Variants in SOX6 observed in about 807,000 individuals in gnomAD.
SOX6 encodes the protein SRY-box transcription factor 6.
SOX6 carries 11 observed loss-of-function variants against 97.8 expected under a neutral mutation model. That is an observed-to-expected ratio of 0.11 (90% confidence interval 0.07 to 0.19). The LOEUF is 0.19. Ranked by LOEUF, SOX6 falls within the 10% of genes least tolerant of loss-of-function variation. The pLI, the probability that SOX6 is intolerant of heterozygous loss-of-function variation, is 1.00. For synonymous variants in SOX6, 360 were observed against 371.4 expected, an observed-to-expected ratio of 0.97 and a Z score of 0.35; for missense variants, 810 against 1,039.5, an observed-to-expected ratio of 0.78 and a Z score of 3.04.
intron 12 of SOX6, among the ~76,000 whole-genome samples, chr11:16,019,809 G>A (rs1013005174): frequency 3.3e-5 from 5 of 152,094 alleles, no homozygotes; most frequent in Admixed American, 6.6e-5. Context: ...CCCACTAATC[G>A]TGTTTTGTGT....
At chr11:16,484,456 C>A in intron 4 of SOX6, 1 of 803,456 alleles carries the variant, frequency 1.2e-6, no homozygotes. Context: ...CAATGAAGAG[C>A]TCCTCGCACT....
At chr11:15,988,391 G>A (rs749662670) in intron 14 of SOX6, among the ~76,000 whole-genome samples, 36 of 152,158 alleles carry the variant, frequency 2.4e-4, no homozygotes, top group East Asian at 7.7e-4. Context: ...CCTGCAGCTC[G>A]TGTGTTCAGC....
rs1853190225 is a variant in SOX6, at chr11:15,968,012, G to C, written c.*4797C>G. 6.6e-6 allele frequency: 1 copy of C among 151,756 alleles called. No individual in the cohort carries two copies. The highest frequency in any genetic ancestry group is 2.4e-5 in the African/African-American group (1 of 41,304). The allele number at this position is 151,756 out of a possible 1,614,324, so 9.4% of individuals were successfully genotyped here. On this transcript the variant is annotated 3_prime_UTR_variant, in exon 16 of 16. Coordinates refer to ENST00000683767, the MANE Select transcript of SOX6 (RefSeq NM_001367873.1). ...TAGAATGGGGATGAAAAGGAAATGT[G>C]TTTGCATATCAATATTTTCAATGAT...
At chr11:16,316,456 G>A (rs1280330598) in intron 3 of SOX6, 2 of 151,610 alleles carry the variant, frequency 1.3e-5, no homozygotes, top group Non-Finnish European at 2.9e-5. Context: ...AAAAAAATCT[G>A]TAGAGTATGA....
At chr11:16,028,879 C>T (rs1383913257) in intron 12 of SOX6, among the ~76,000 whole-genome samples, 1 of 152,078 alleles carries the variant, frequency 6.6e-6, no homozygotes, top group Non-Finnish European at 1.5e-5. Flanking sequence ...CTGGCACAAA[C>T]TTGAAATATT....
chr11:16,120,117 C>T (rs1284632206), intron 6 of SOX6, among the ~76,000 whole-genome samples: 2 of 142,150 alleles, frequency 1.4e-5, no homozygotes, highest in African/African-American at 5.2e-5. Context: ...TCTCCCCCCA[C>T]CCCTTTCTCT....
intron 4 of SOX6, among the ~76,000 whole-genome samples, chr11:16,530,402 T>C (rs1219301156): frequency 1.3e-5 from 2 of 152,038 alleles, no homozygotes; most frequent in African/African-American, 2.4e-5. Context: ...ACCCTTCTCC[T>C]TTGAAAACAA....
chr11:16,459,212 G>C (rs1015138478), intron 1 of SOX6, among the ~76,000 whole-genome samples: 1 of 151,974 alleles, frequency 6.6e-6, no homozygotes, highest in Non-Finnish European at 1.5e-5. Flanking sequence ...TATTGCATCA[G>C]TAGTGAAGAG....
At chr11:16,513,647 C>A (rs770848079) in intron 4 of SOX6, among the ~76,000 whole-genome samples, 33 of 151,768 alleles carry the variant, frequency 2.2e-4, no homozygotes, top group Non-Finnish European at 4.1e-4. Context: ...AATAAATAAA[C>A]AAACAAACAA....
intron 9 of SOX6, among the ~76,000 whole-genome samples, chr11:16,071,404 A>G (rs56395489): frequency 0.013 from 1,980 of 152,316 alleles, 41 homozygotes; most frequent in African/African-American, 0.045. Context: ...TGTCCTGGGA[A>G]GTGCCCAGAA....
At chr11:16,452,932 C>T (rs1056421083) in intron 1 of SOX6, among the ~76,000 whole-genome samples, 7 of 152,070 alleles carry the variant, frequency 4.6e-5, no homozygotes, top group Non-Finnish European at 5.9e-5. Flanking sequence ...CCATAGATAA[C>T]GAATGAGGGA....
intron 12 of SOX6, among the ~76,000 whole-genome samples, chr11:16,030,606 C>T (rs1431538227): frequency 1.3e-5 from 2 of 152,250 alleles, no homozygotes; most frequent in African/African-American, 4.8e-5. Context: ...TTGTACAAAA[C>T]CATATGAAAT....
At chr11:16,553,709 T>C in intron 4 of SOX6, among the ~76,000 whole-genome samples, 1 of 152,048 alleles carries the variant, frequency 6.6e-6, no homozygotes, top group East Asian at 1.9e-4. Context: ...CTAACATAGA[T>C]TGGTGCTCCT....
At chr11:16,661,892 T>C (rs1847768857) in intron 3 of SOX6, among the ~76,000 whole-genome samples, 1 of 152,184 alleles carries the variant, frequency 6.6e-6, no homozygotes, top group African/African-American at 2.4e-5. Flanking sequence ...TCGTTTTCCA[T>C]GCTGCTTCAA....
intron 3 of SOX6, among the ~76,000 whole-genome samples, chr11:16,689,929 CTTTT>C (rs773781348): frequency 1.5e-5 from 2 of 136,090 alleles, no homozygotes; most frequent in African/African-American, 5.4e-5. Flanking sequence ...TGTCCCATGG[CTTTT>C]TTTTTTTTTT....
intron 9 of SOX6, among the ~76,000 whole-genome samples, chr11:16,077,246 C>T (rs1162064693): frequency 6.6e-6 from 1 of 152,208 alleles, no homozygotes; most frequent in East Asian, 1.9e-4. Context: ...TAGAGAAATG[C>T]ATTAGAAAAA....
In SOX6 at chr11:16,637,555, A is replaced by C. The variant is rs184843099; in HGVS notation, n.430-25295T>G. On this transcript the variant is annotated intron_variant and non_coding_transcript_variant, in intron 3 of 5. Coordinates refer to the SOX6 transcript ENST00000524520. Reference sequence around the variant, plus strand: ...TCAAAATAAATTTATTAAACTATAAATTTCCCCAAATAACTGCTTTAGTTA... The same window carrying C: ...TCAAAATAAATTTATTAAACTATAACTTTCCCCAAATAACTGCTTTAGTTA... 7.9e-5 allele frequency among the ~76,000 whole-genome samples: 12 copies of C among 152,330 alleles called. No homozygotes were observed. In the East Asian group the frequency reaches 2.3e-3, roughly 29 times the overall value.
intron 4 of SOX6, among the ~76,000 whole-genome samples, chr11:16,577,884 A>C (rs534726789): frequency 2.8e-4 from 42 of 152,206 alleles, no homozygotes; most frequent in African/African-American, 1.0e-3. Context: ...GTTGTCTTTT[A>C]ACTTTCTTGA....
chr11:16,180,106 G>A (rs921230256), intron 6 of SOX6, among the ~76,000 whole-genome samples: 3 of 151,660 alleles, frequency 2.0e-5, no homozygotes, highest in Non-Finnish European at 4.4e-5. Context: ...AATGAGGTTA[G>A]ATGAATAAAT....
Sources: gnomAD v4.1 joint callset for allele counts (sites outside exome capture counted in the v4.1 genomes callset) on GRCh38, gnomAD v4.1.1 for gene constraint, MANE v1.5 for transcripts, NCBI Gene and HGNC (gene_info 2026-07-23, HGNC 2026-07-21) for gene names.